The following GLI1 variants were observed in gnomAD, a reference collection of about 807,000 sequenced individuals.
GLI1 encodes the protein transcription activator GLI1.
GLI1 carries 51 observed loss-of-function variants against 87.8 expected under a neutral mutation model. That is an observed-to-expected ratio of 0.58 (90% CI 0.46 to 0.73). The LOEUF is 0.73. Among genes scored for constraint, GLI1 ranks in the 30% least tolerant of loss-of-function variants. The pLI, the probability that GLI1 is intolerant of heterozygous loss-of-function variation, is 0.00. For missense variants in GLI1, 1,292 were observed against 1,437.2 expected, an observed-to-expected ratio of 0.90 and a Z score of 1.63; for synonymous variants, 528 against 558.2, an observed-to-expected ratio of 0.95 and a Z score of 0.76.
At chr12:57,463,881 A>G in intron 2 of GLI1, 90 bp downstream of exon 2, 2 of 1,063,468 alleles carry the variant, frequency 1.9e-6, no homozygotes, top group Admixed American at 3.5e-5. Context: ...TCCTATCTAC[A>G]GGAGGATTTG....
chr12:57,465,793 C>T lies in GLI1; in HGVS notation c.630C>T (p.Pro210=), dbSNP rs1319057096. Residue 210 remains proline (P), a synonymous_variant, in exon 7 of 12, where the codon CCC becomes CCT. Coordinates refer to ENST00000228682, the MANE Select transcript of GLI1 (RefSeq NM_005269.3). ...SSPNSTGIQD[P]LLGMLDGRED... is the part of the protein sequence containing the mutation. ...GATTGCCTCTCTTGCCCTAGGATCC[C>T]CTGTTGGGGATGCTGGATGGGCGGG... 14 of 1,613,966 alleles carry T rather than the reference C, an allele frequency of 8.7e-6. No homozygotes were observed. Among genetic ancestry groups the T allele is most frequent in the Non-Finnish European group, 1.2e-5 (14 of 1,179,988 alleles).
Position 57,469,698 on chromosome 12 carries a change from G to A in GLI1, c.1576G>A (p.Gly526Ser), listed in dbSNP as rs774916232. 1.4e-5 allele frequency: 23 copies of A among 1,612,612 alleles called. No individual in the cohort carries two copies. The highest frequency in any genetic ancestry group is 3.6e-4 in the Middle Eastern group (2 of 5,586). The change falls in exon 11 of 12, where the codon GGT becomes AGT. Residue 526 changes from glycine (G) to serine (S), a missense_variant and splice_region_variant. Gly to Ser is a moderately conservative substitution (Grantham distance 56). This residue lies in a region of GLI1 where 897 missense variants were observed against 1,040.7 expected (regional missense o/e 0.86). Transcript: ENST00000228682. ...GLKLPSLSHTGTTVSRRVGPP... is the reference protein window; with the variant it reads ...GLKLPSLSHTSTTVSRRVGPP... ...CAAACTGCCCAGCTTGTCCCACACC[G>A]GTGAGACCTGGGTGTGGGAGGTGTG...
At chr12:57,469,373 A>C in intron 10 of GLI1, 58 bp from the exon 11 acceptor site, 5 of 1,562,380 alleles carry the variant, frequency 3.2e-6, no homozygotes, top group Non-Finnish European at 3.5e-6. Context: ...TCAGCCACTC[A>C]TCAAGTTGAA....
rs1441960769 is a variant in GLI1, at chr12:57,460,137, C to G, written c.-92C>G. The G allele has an allele frequency of 6.6e-6, 1 of 152,002 alleles. No homozygotes were observed. Among genetic ancestry groups the G allele is most frequent in the Non-Finnish European group, 1.5e-5 (1 of 68,106 alleles). 9.4% of individuals were successfully genotyped at this position (152,002 alleles called of 1,614,324 possible). A position where few individuals can be genotyped will look rare whatever the true frequency, so the allele number is the denominator to read the frequency against. On this transcript the variant is annotated 5_prime_UTR_variant, in exon 1 of 12. Transcript: ENST00000228682. ...GGCCCTCTCCGCCCCCCCTCCCCACCGCACACCCCCCAGCCCAGACTCCAG... is the reference window on the plus strand; with the variant it reads ...GGCCCTCTCCGCCCCCCCTCCCCACGGCACACCCCCCAGCCCAGACTCCAG...
intron 2 of GLI1, 32 bp downstream of exon 2, chr12:57,463,823 G>C (rs899095854): frequency 7.3e-7 from 1 of 1,361,574 alleles, no homozygotes. Context: ...TGGGCCTTGA[G>C]GATTTGGCAG....
At chr12:57,462,570 A>C (rs1172246880) in intron 1 of GLI1, among the ~76,000 whole-genome samples, 4 of 152,106 alleles carry the variant, frequency 2.6e-5, no homozygotes, top group Non-Finnish European at 5.9e-5. Context: ...CGCTTTTATA[A>C]GGATCACATT....
chr12:57,460,460 C>T (rs1474762238), intron 1 of GLI1: 1 of 152,412 alleles, frequency 6.6e-6, no homozygotes, highest in Non-Finnish European at 1.5e-5. Flanking sequence ...CTCCGCCTCT[C>T]CCATATATTA....
chr12:57,470,597 T>C lies in GLI1; in HGVS notation c.1857T>C (p.Pro619=). The part of the protein sequence containing the change: ...LDRIGGLPMP[P]WRSRAEYPGY... ...GGATAGGTGGTCTTCCCATGCCTCCTTGGAGAAGCCGAGCCGAGTATCCAG... is the reference window on the plus strand; with the variant it reads ...GGATAGGTGGTCTTCCCATGCCTCCCTGGAGAAGCCGAGCCGAGTATCCAG... The change falls in exon 12 of 12, where the codon CCT becomes CCC. Residue 619 remains proline, a synonymous_variant. Coordinates refer to ENST00000228682, the MANE Select transcript of GLI1 (RefSeq NM_005269.3). 1.2e-6 allele frequency: 2 copies of C among 1,614,074 alleles called. No individual in the cohort carries two copies. Among genetic ancestry groups the C allele is most frequent in the Non-Finnish European group, 1.7e-6 (2 of 1,180,024 alleles).
chr12:57,460,946 A>AC (rs1393043632), intron 1 of GLI1, among the ~76,000 whole-genome samples: 1 of 151,770 alleles, frequency 6.6e-6, no homozygotes, highest in Non-Finnish European at 1.5e-5. Flanking sequence ...CCGCAGGGAG[A>AC]CCCCTACCGG....
At chr12:57,461,027 G>A (rs1871107022) in intron 1 of GLI1, among the ~76,000 whole-genome samples, 1 of 152,182 alleles carries the variant, frequency 6.6e-6, no homozygotes, top group Non-Finnish European at 1.5e-5. Flanking sequence ...CGGGAGCTGG[G>A]GATCGAGGCC....
At position 57,468,169 on chromosome 12, in the gene GLI1, G is replaced by A. The variant is rs777289743; in HGVS notation, c.1253G>A (p.Arg418Gln). The A allele has an allele frequency of 4.6e-5, 74 of 1,614,060 alleles. No homozygotes were observed. Among genetic ancestry groups the A allele is most frequent in the Non-Finnish European group, 5.9e-5 (70 of 1,180,038 alleles). ...TCTACAGTGGAGCCCAAGAGGGAGC[G>A]GGAAGGAGGTCCCATCAGGGAGGAA... ...SISTVEPKRE[R>Q]EGGPIREESR... is the part of the protein sequence containing the mutation. Residue 418 changes from arginine (R) to glutamine (Q), a missense_variant, in exon 10 of 12, where the codon CGG (arginine) becomes CAG (glutamine). Physicochemically the swap from Arg to Gln is conservative, Grantham distance 43. Transcript: ENST00000228682.
In GLI1 at chr12:57,465,196, T is replaced by A; in HGVS notation, c.475T>A (p.Ser159Thr). 3.7e-6 allele frequency: 6 copies of A among 1,613,962 alleles called. No individual in the cohort carries two copies. Among genetic ancestry groups the A allele is most frequent in the Middle Eastern group, 3.3e-4 (2 of 6,004 alleles). Reference sequence around the variant, plus strand: ...GGTCCAGCCTTGTGGTCCCCATGACTCTGCCCGGGGTGGGATGATCCCACA... The same window carrying A: ...GGTCCAGCCTTGTGGTCCCCATGACACTGCCCGGGGTGGGATGATCCCACA... ...FGVQPCGPHD[S>T]ARGGMIPHPQ... The change falls in exon 5 of 12, where the codon TCT (serine) becomes ACT (threonine). Residue 159 changes from serine (S) to threonine (T), a missense_variant. Coordinates refer to ENST00000228682, the MANE Select transcript of GLI1 (RefSeq NM_005269.3).
chr12:57,461,767 G>A (rs1344698338), intron 1 of GLI1, among the ~76,000 whole-genome samples: 1 of 152,134 alleles, frequency 6.6e-6, no homozygotes, highest in East Asian at 1.9e-4. Context: ...ACGGGGGCGG[G>A]GAAGGCGGGA....
chr12:57,465,342 A>G (rs1246167482), intron 5 of GLI1, 87 bp downstream of exon 5: 30 of 1,241,304 alleles, frequency 2.4e-5, no homozygotes, highest in Non-Finnish European at 1.1e-6. Flanking sequence ...AAGGAAGGAC[A>G]AGGGATATAA....
chr12:57,462,307 G>T lies in GLI1; in HGVS notation c.-27-1358G>T, dbSNP rs1362737796. Among the ~76,000 whole-genome samples the T allele has an allele frequency of 2.0e-5, 3 of 152,020 alleles. No individual in the cohort carries two copies. In the East Asian group the frequency reaches 5.8e-4, roughly 29 times the overall value. On this transcript the variant is annotated intron_variant, in intron 1 of 11. Transcript: ENST00000228682. ...GGTTGGAAAAGGAGGAGTTAGAAAA[G>T]GGTACAGCCCAGGCTGCCGGGCCGG...
Position 57,466,236 on chromosome 12 carries a change from T to C in GLI1, c.763-4T>C. On this transcript the variant is annotated splice_polypyrimidine_tract_variant and splice_region_variant and intron_variant, in intron 7 of 11. Coordinates refer to ENST00000228682, the MANE Select transcript of GLI1 (RefSeq NM_005269.3). ...TTGGAGAGCCTTTGTATCTTCTCCC[T>C]CAGCACATCAACAGCGAGCACATCC... 1 of 1,611,698 alleles carries C rather than the reference T, an allele frequency of 6.2e-7. No individual in the cohort carries two copies. Among genetic ancestry groups the C allele is most frequent in the Non-Finnish European group, 8.5e-7 (1 of 1,178,500 alleles).
chr12:57,464,086 C>G lies in GLI1; in HGVS notation c.188C>G (p.Thr63Ser), dbSNP rs772090740. 1 of 1,603,212 alleles carries G rather than the reference C, an allele frequency of 6.2e-7. No homozygotes were observed. Among genetic ancestry groups the G allele is most frequent in the Non-Finnish European group, 8.5e-7 (1 of 1,169,970 alleles). Residue 63 changes from threonine (T) to serine (S), a missense_variant, in exon 3 of 12, where the codon ACC becomes AGC. Transcript: ENST00000228682. The stretch of plus-strand genomic sequence containing the variant: ...CCAGCCAGAGAGACCAACAGCTGCA[C>G]CGAGGGTGAGGGCTCAGGCAACACC... ...YGPARETNSC[T>S]EGPLFSSPRS...
intron 8 of GLI1, among the ~76,000 whole-genome samples, 172 bp downstream of exon 8, chr12:57,466,561 A>T (rs992990005): frequency 3.3e-5 from 5 of 152,184 alleles, no homozygotes; most frequent in African/African-American, 1.2e-4. Context: ...GATATATATT[A>T]AAACACTCTT....
chr12:57,461,608 G>A (rs926446605), intron 1 of GLI1, among the ~76,000 whole-genome samples: 6 of 152,210 alleles, frequency 3.9e-5, no homozygotes, highest in Non-Finnish European at 7.3e-5. Context: ...CCTGCTTTCC[G>A]GATGTGCTGA....
Sources: gnomAD v4.1 joint callset for allele counts (sites outside exome capture counted in the v4.1 genomes callset) on GRCh38, gnomAD v4.1.1 for gene constraint, gnomAD v4.1.1 regional missense constraint, MANE v1.5 for transcripts, NCBI Gene and HGNC (gene_info 2026-07-23, HGNC 2026-07-21) for gene names.